Variants in EBF2 observed in about 807,000 individuals in gnomAD.
EBF2 encodes transcription factor COE2.
A neutral mutation model predicts 72.8 loss-of-function variants in EBF2; 21 were observed. The observed-to-expected ratio is 0.29, with a 90% CI of 0.20 to 0.42. The LOEUF is 0.42. Among genes scored for constraint, EBF2 ranks in the 10% least tolerant of loss-of-function variants. The pLI is 1.00. For missense variants in EBF2, 637 were observed against 731.2 expected (o/e 0.87, Z 1.49); for synonymous variants, 299 against 274.2 (o/e 1.09, Z -0.89).
intron 6 of EBF2, among the ~76,000 whole-genome samples, chr8:25,946,761 C>T (rs1803775162): frequency 2.0e-5 from 3 of 152,198 alleles, no homozygotes; most frequent in Admixed American, 6.5e-5. Flanking sequence ...TAGTCTCAAC[C>T]CCTGCTGCTA....
At chr8:26,013,494 A>G (rs1285038595) in intron 6 of EBF2, among the ~76,000 whole-genome samples, 1 of 152,142 alleles carries the variant, frequency 6.6e-6, no homozygotes, top group African/African-American at 2.4e-5. Flanking sequence ...GGTTCTAATC[A>G]TCTGTCTTTT....
intron 7 of EBF2, among the ~76,000 whole-genome samples, chr8:25,900,129 C>G (rs1374452605): frequency 6.6e-6 from 1 of 152,222 alleles, no homozygotes; most frequent in Non-Finnish European, 1.5e-5. Context: ...CTTCCCCAGC[C>G]TGACTCCTGG....
At chr8:25,871,460 A>C (rs1355673845) in intron 10 of EBF2, among the ~76,000 whole-genome samples, 1 of 152,196 alleles carries the variant, frequency 6.6e-6, no homozygotes, top group Non-Finnish European at 1.5e-5. Context: ...CTATTTATCT[A>C]TGTCTTTCTT....
rs773875915 is a variant in EBF2 at position 26,044,970 on chromosome 8, G to C, written c.-111C>G. 2.4e-6 allele frequency: 3 copies of C among 1,232,576 alleles called. No homozygotes were observed. The highest frequency in any genetic ancestry group is 3.3e-6 in the Non-Finnish European group (3 of 896,522). 76.4% of individuals were successfully genotyped at this position (1,232,576 alleles called of 1,614,324 possible). ...CTCCTCCAAAGCAATCCAAGAAAAG[G>C]GATCAAGTGCCCAAGTTTGAGTCTT... On this transcript the variant is annotated 5_prime_UTR_variant, in exon 1 of 16. Transcript: ENST00000520164. This position sits in a 1 kb window ranked among gnomAD's most constrained non-coding sequence, Gnocchi z 4.1.
intron 6 of EBF2, among the ~76,000 whole-genome samples, chr8:25,982,464 A>C (rs1172535393): frequency 1.3e-5 from 2 of 152,044 alleles, no homozygotes; most frequent in African/African-American, 4.8e-5. Flanking sequence ...TTGAACCTCC[A>C]CCAAAAAGTA....
At chr8:25,988,403 C>A (rs1170803925) in intron 6 of EBF2, among the ~76,000 whole-genome samples, 1 of 152,158 alleles carries the variant, frequency 6.6e-6, no homozygotes, top group Non-Finnish European at 1.5e-5. Flanking sequence ...TTTATAAGTC[C>A]ATATACGCAA....
intron 15 of EBF2, 137 bp downstream of exon 15, chr8:25,850,457 A>G (rs961772340): frequency 9.0e-7 from 1 of 1,110,480 alleles, no homozygotes; most frequent in Non-Finnish European, 1.2e-6. Context: ...TGTAGAAGCC[A>G]TTCATGTCCC....
chr8:26,040,416 A>C (rs1805578413), intron 4 of EBF2, among the ~76,000 whole-genome samples, 200 bp downstream of exon 4: 1 of 151,688 alleles, frequency 6.6e-6, no homozygotes. Context: ...AGCCAGACAA[A>C]ACAGGTCACT....
chr8:25,912,997 A>G (rs1803153795), intron 6 of EBF2, among the ~76,000 whole-genome samples: 1 of 152,144 alleles, frequency 6.6e-6, no homozygotes, highest in African/African-American at 2.4e-5. Flanking sequence ...AAAGGTAACT[A>G]CTTAATATTC....
intron 6 of EBF2, among the ~76,000 whole-genome samples, chr8:26,025,064 A>G (rs1403523035): frequency 6.6e-6 from 1 of 152,202 alleles, no homozygotes; most frequent in Non-Finnish European, 1.5e-5. Flanking sequence ...GAGGAAGTAG[A>G]ATCTGAACTA....
rs922244424 is a variant in EBF2, at chr8:25,961,653, G to A, written c.552-53098C>T. 9.9e-5 allele frequency among the ~76,000 whole-genome samples: 15 copies of A among 152,102 alleles called. 1 individual carries two copies. The highest frequency in any genetic ancestry group is 2.1e-4 in the South Asian group (1 of 4,810). ...TGGGATTACAGGTATGAACTACCGC[G>A]CCCAGCCCTAATGTGAGGTGTTAAG... On this transcript the variant is annotated intron_variant, in intron 6 of 15. Transcript: ENST00000520164.
chr8:25,852,728 GT>G (rs1732322621), intron 14 of EBF2, among the ~76,000 whole-genome samples: 1 of 152,154 alleles, frequency 6.6e-6, no homozygotes. Flanking sequence ...CAACAATTTT[GT>G]AAAAATGCCA....
chr8:25,952,803 T>C (rs1803885331), intron 6 of EBF2, among the ~76,000 whole-genome samples: 1 of 152,240 alleles, frequency 6.6e-6, no homozygotes, highest in Non-Finnish European at 1.5e-5. Flanking sequence ...TTAGTATCTA[T>C]TGTACATATC....
intron 6 of EBF2, chr8:26,032,290 T>C (rs1464280665): frequency 2.0e-5 from 3 of 152,190 alleles, no homozygotes; most frequent in Non-Finnish European, 2.9e-5. Flanking sequence ...CGTTGGAATA[T>C]TGGAATAACA....
intron 15 of EBF2, among the ~76,000 whole-genome samples, chr8:25,846,794 CAGAAA>C (rs1801847061): frequency 6.6e-6 from 1 of 152,152 alleles, no homozygotes; most frequent in Admixed American, 6.5e-5. Context: ...CCCTGAATGA[CAGAAA>C]AGAACAGATT....
At chr8:25,882,041 C>A (rs1318876606) in intron 10 of EBF2, among the ~76,000 whole-genome samples, 1 of 152,196 alleles carries the variant, frequency 6.6e-6, no homozygotes, top group East Asian at 1.9e-4. Flanking sequence ...AAAGCAAGAA[C>A]CCTGGAATAT....
At chr8:25,935,960 G>A (rs1057283757) in intron 6 of EBF2, among the ~76,000 whole-genome samples, 2 of 152,310 alleles carry the variant, frequency 1.3e-5, no homozygotes, top group African/African-American at 2.4e-5. Context: ...GTTCAAGTCC[G>A]CTCGGCTGTG....
intron 14 of EBF2, among the ~76,000 whole-genome samples, chr8:25,853,948 ATC>A (rs1802034013): frequency 6.6e-6 from 1 of 152,136 alleles, no homozygotes; most frequent in Admixed American, 6.6e-5. Context: ...TAGCAATGGT[ATC>A]TCTGGCTGAT....
chr8:25,968,526 G>T (rs775312494), intron 6 of EBF2, among the ~76,000 whole-genome samples: 18 of 152,124 alleles, frequency 1.2e-4, no homozygotes, highest in Admixed American at 2.0e-4. Context: ...CAGTAGCTGG[G>T]GGGAGGGGAA....
Sources: allele counts gnomAD v4.1 joint callset (sites outside exome capture counted in the v4.1 genomes callset), GRCh38; gene constraint gnomAD v4.1.1; non-coding constraint Gnocchi (gnomAD v3.1); transcripts MANE v1.5; gene names NCBI Gene and HGNC (gene_info 2026-07-23, HGNC 2026-07-21).